Variants in FSTL5 observed in about 807,000 individuals in gnomAD.
The protein encoded by FSTL5 is follistatin-related protein 5.
A neutral mutation model predicts 89.1 loss-of-function variants in FSTL5; 62 were observed. That is an observed-to-expected ratio of 0.70 (90% confidence interval 0.57 to 0.86). The LOEUF is 0.86. Among genes scored for constraint, FSTL5 ranks in the 40% least tolerant of loss-of-function variants. The pLI, the probability that FSTL5 is intolerant of heterozygous loss-of-function variation, is 0.00. For missense variants in FSTL5, 1,057 were observed against 1,001.6 expected (o/e 1.06, Z -0.75); for synonymous variants, 383 against 346.2 (o/e 1.11, Z -1.18).
At chr4:161,861,275 T>C (rs192460170) in intron 4 of FSTL5, among the ~76,000 whole-genome samples, 274 of 151,986 alleles carry the variant, frequency 1.8e-3, no homozygotes, top group African/African-American at 6.3e-3. Context: ...ATACAAAAAA[T>C]AGCAGGCCAT....
intron 2 of FSTL5, among the ~76,000 whole-genome samples, chr4:162,040,819 C>T (rs1428315666): frequency 8.0e-6 from 1 of 124,594 alleles, no homozygotes; most frequent in African/African-American, 2.6e-5. Context: ...TATTATTTAT[C>T]TTTTTTTTTC....
At chr4:161,448,327 A>G (rs1341770127) in intron 15 of FSTL5, among the ~76,000 whole-genome samples, 1 of 152,176 alleles carries the variant, frequency 6.6e-6, no homozygotes, top group East Asian at 1.9e-4. Flanking sequence ...GGTATTTTCA[A>G]TTTCTGCTGT....
At chr4:161,725,281 G>A (rs940806733) in intron 6 of FSTL5, among the ~76,000 whole-genome samples, 1 of 152,096 alleles carries the variant, frequency 6.6e-6, no homozygotes, top group African/African-American at 2.4e-5. Context: ...AAAGGGATAA[G>A]GGCAAAACTC....
chr4:161,967,549 A>G (rs1266844495), intron 3 of FSTL5, among the ~76,000 whole-genome samples: 1 of 151,878 alleles, frequency 6.6e-6, no homozygotes, highest in Non-Finnish European at 1.5e-5. Flanking sequence ...AATATTCAAT[A>G]ATATGAAATA....
chr4:161,524,761 C>T (rs1300144706), intron 10 of FSTL5, among the ~76,000 whole-genome samples: 2 of 152,004 alleles, frequency 1.3e-5, no homozygotes, highest in Non-Finnish European at 1.5e-5. Context: ...AGATCGAGAC[C>T]ATCCTGGCTA....
chr4:161,529,822 CTA>C (rs1199579902), intron 10 of FSTL5, among the ~76,000 whole-genome samples: 2 of 142,478 alleles, frequency 1.4e-5, no homozygotes, highest in Non-Finnish European at 3.1e-5. Flanking sequence ...ATTATTCTAT[CTA>C]TCTCACAGTT....
chr4:161,390,464 C>T (rs565040529), intron 15 of FSTL5, among the ~76,000 whole-genome samples: 1 of 152,146 alleles, frequency 6.6e-6, no homozygotes, highest in South Asian at 2.1e-4. Flanking sequence ...GCTTGAAGGT[C>T]TTCACATCCC....
chr4:161,901,578 C>A (rs1043595138), intron 4 of FSTL5, among the ~76,000 whole-genome samples: 3 of 152,110 alleles, frequency 2.0e-5, no homozygotes, highest in Non-Finnish European at 4.4e-5. Flanking sequence ...TCGCGTATGT[C>A]TTTTATAAAT....
chr4:161,964,686 T>C (rs946696279), intron 3 of FSTL5, among the ~76,000 whole-genome samples: 3 of 152,080 alleles, frequency 2.0e-5, no homozygotes, highest in Non-Finnish European at 4.4e-5. Flanking sequence ...ATTTAATTTA[T>C]AATGTTTGCT....
intron 1 of FSTL5, among the ~76,000 whole-genome samples, chr4:162,122,005 T>C (rs1186674139): frequency 6.6e-6 from 1 of 152,064 alleles, no homozygotes; most frequent in African/African-American, 2.4e-5. Flanking sequence ...TAACATAACA[T>C]ACAAAGTACC....
chr4:161,637,567 G>T (rs1735769869), intron 7 of FSTL5, among the ~76,000 whole-genome samples: 1 of 148,852 alleles, frequency 6.7e-6, no homozygotes, highest in East Asian at 2.0e-4. Context: ...GTAATGCCTA[G>T]GTTTTCTTCT....
At chr4:162,055,944 A>C (rs1287256687) in intron 2 of FSTL5, among the ~76,000 whole-genome samples, 3 of 151,914 alleles carry the variant, frequency 2.0e-5, no homozygotes, top group Non-Finnish European at 4.4e-5. Context: ...CAGAATAATA[A>C]TATTTAGTTC....
At chr4:162,053,362 T>G (rs1302505993) in intron 2 of FSTL5, among the ~76,000 whole-genome samples, 1 of 151,786 alleles carries the variant, frequency 6.6e-6, no homozygotes, top group South Asian at 2.1e-4. Context: ...TAAAATGGTC[T>G]TTTTTTAGTA....
intron 2 of FSTL5, among the ~76,000 whole-genome samples, chr4:162,077,765 C>T (rs1201187824): frequency 6.6e-6 from 1 of 151,876 alleles, no homozygotes; most frequent in African/African-American, 2.4e-5. Context: ...CAGAATATAA[C>T]AATGGATTCT....
chr4:162,037,385 T>G (rs2111210907), intron 2 of FSTL5, among the ~76,000 whole-genome samples: 1 of 152,030 alleles, frequency 6.6e-6, no homozygotes, highest in Admixed American at 6.6e-5. Context: ...AAGCTGAGTG[T>G]TTTGTCTGAA....
intron 4 of FSTL5, among the ~76,000 whole-genome samples, chr4:161,824,062 G>A (rs1730585335): frequency 6.6e-6 from 1 of 152,098 alleles, no homozygotes; most frequent in Non-Finnish European, 1.5e-5. Context: ...TAGCTTTTGG[G>A]TTCTTGGTCA....
chr4:161,727,007 A>G (rs1739449336), intron 6 of FSTL5, among the ~76,000 whole-genome samples: 1 of 152,056 alleles, frequency 6.6e-6, no homozygotes, highest in Non-Finnish European at 1.5e-5. Context: ...CTAAAATTGC[A>G]TGTGCAAGTA....
chr4:161,582,679 T>G (rs778690048), intron 8 of FSTL5, among the ~76,000 whole-genome samples: 1 of 152,198 alleles, frequency 6.6e-6, no homozygotes, highest in African/African-American at 2.4e-5. Flanking sequence ...CTATTTTTTG[T>G]TTGGCAAAAT....
In FSTL5 at chr4:161,617,932, A is replaced by C. The variant is rs370044456; in HGVS notation, c.895-30357T>G. On this transcript the variant is annotated intron_variant, in intron 7 of 15. Transcript: ENST00000306100. ...CTTGGGCAGTATGGTCATTTTCACG[A>C]TATTGATTCTTCCTACCCATGAGCA... is the stretch of plus-strand genomic sequence containing the variant. Among the ~76,000 whole-genome samples the C allele has an allele frequency of 5.9e-5, 9 of 152,240 alleles. No homozygotes were observed. In the South Asian group the frequency reaches 8.3e-4, roughly 14 times the overall value.
Sources: gnomAD v4.1 joint callset for allele counts (sites outside exome capture counted in the v4.1 genomes callset) on GRCh38, gnomAD v4.1.1 for gene constraint, MANE v1.5 for transcripts, NCBI Gene and HGNC (gene_info 2026-07-23, HGNC 2026-07-21) for gene names.